Variants in WDR25 observed in about 807,000 individuals in gnomAD.
The protein encoded by WDR25 is WD repeat-containing protein 25.
Under a neutral mutation model 47.7 loss-of-function variants are expected in WDR25, and 35 were observed. The ratio of observed to expected loss-of-function variants is 0.73; its 90% confidence interval spans 0.56 to 0.97. The LOEUF (loss-of-function observed/expected upper bound fraction) is 0.97, where lower values mean the gene tolerates loss of function less well. Among genes scored for constraint, WDR25 ranks in the 50% least tolerant of loss-of-function variants. The pLI, the probability that WDR25 is intolerant of heterozygous loss-of-function variation, is 0.00. For missense variants in WDR25, 634 were observed against 704.7 expected, an observed-to-expected ratio of 0.90 and a Z score of 1.14; for synonymous variants, 248 against 278.9, an observed-to-expected ratio of 0.89 and a Z score of 1.10.
At chr14:100,482,228 C>T (rs1186529305) in intron 3 of WDR25, among the ~76,000 whole-genome samples, 2 of 152,110 alleles carry the variant, frequency 1.3e-5, no homozygotes, top group Admixed American at 6.6e-5. Flanking sequence ...AACCAGACTA[C>T]ATTCAAATAA....
chr14:100,380,215 T>G (rs1786701721), intron 1 of WDR25, among the ~76,000 whole-genome samples: 1 of 151,966 alleles, frequency 6.6e-6, no homozygotes, highest in African/African-American at 2.4e-5. Context: ...GCCTGGCTAA[T>G]TTTTGTATTT....
chr14:100,518,093 T>G (rs571560262), intron 4 of WDR25, among the ~76,000 whole-genome samples: 1 of 152,354 alleles, frequency 6.6e-6, no homozygotes, highest in Admixed American at 6.5e-5. Context: ...TCCCTGAAGC[T>G]CCAAGTTTTC....
At chr14:100,433,390 G>T (rs1898400336) in intron 2 of WDR25, among the ~76,000 whole-genome samples, 4 of 152,238 alleles carry the variant, frequency 2.6e-5, no homozygotes, top group Admixed American at 2.6e-4. Flanking sequence ...TTCCTACCAG[G>T]AGGCACATGT....
At chr14:100,447,034 T>C (rs952312011) in intron 2 of WDR25, among the ~76,000 whole-genome samples, 2 of 152,264 alleles carry the variant, frequency 1.3e-5, no homozygotes, top group Admixed American at 6.5e-5. Context: ...GATAATTTCA[T>C]GCTCATTGAA....
intron 2 of WDR25, chr14:100,454,695 T>C (rs1454281620): frequency 5.9e-6 from 2 of 339,434 alleles, no homozygotes; most frequent in Non-Finnish European, 1.2e-5. Flanking sequence ...GACAGGCTGC[T>C]AAAAATTTGT....
intron 4 of WDR25, among the ~76,000 whole-genome samples, chr14:100,485,460 C>G (rs1263101068): frequency 6.6e-6 from 1 of 152,200 alleles, no homozygotes; most frequent in Non-Finnish European, 1.5e-5. Context: ...TCATGATTGA[C>G]TGAGTAAATG....
At chr14:100,376,713 T>C in intron 1 of WDR25, 1 of 1,230,844 alleles carries the variant, frequency 8.1e-7, no homozygotes. Flanking sequence ...TGGTCGTATC[T>C]TGTTTGTTGC....
At chr14:100,388,917 C>T (rs540078020) in intron 2 of WDR25, among the ~76,000 whole-genome samples, 2 of 152,358 alleles carry the variant, frequency 1.3e-5, no homozygotes, top group African/African-American at 4.8e-5. Flanking sequence ...CATTCACTCT[C>T]ATCCCATGTC....
intron 2 of WDR25, among the ~76,000 whole-genome samples, chr14:100,408,454 AG>A (rs1238932713): frequency 6.6e-6 from 1 of 152,178 alleles, no homozygotes; most frequent in Non-Finnish European, 1.5e-5. Context: ...AGATGACAGA[AG>A]GCCATGTTCT....
chr14:100,394,346 C>A (rs1253294474), intron 2 of WDR25, among the ~76,000 whole-genome samples: 1 of 152,102 alleles, frequency 6.6e-6, no homozygotes, highest in Admixed American at 6.6e-5. Context: ...AGCTGATGGG[C>A]CTTGTGACGT....
intron 2 of WDR25, among the ~76,000 whole-genome samples, chr14:100,453,511 A>T (rs1401214570): frequency 6.6e-6 from 1 of 152,234 alleles, no homozygotes; most frequent in African/African-American, 2.4e-5. Flanking sequence ...ATGTAGTAAC[A>T]TGCTCAATAC....
At chr14:100,447,619 A>G (rs114163219) in intron 2 of WDR25, among the ~76,000 whole-genome samples, 2,021 of 152,274 alleles carry the variant, frequency 0.013, 34 homozygotes, top group African/African-American at 0.043. Flanking sequence ...GGCACCAGAC[A>G]TGGTGAGGTG....
At position 100,392,914 on chromosome 14, in the gene WDR25, T is replaced by C. The variant is rs1411351443; in HGVS notation, c.822+11168T>C. Among the ~76,000 whole-genome samples the C allele has an allele frequency of 6.6e-6, 1 of 152,226 alleles. No individual in the cohort carries two copies. Among genetic ancestry groups the C allele is most frequent in the Non-Finnish European group, 1.5e-5 (1 of 68,044 alleles). On this transcript the variant is annotated intron_variant, in intron 2 of 6. Transcript: ENST00000402312. The surrounding 1 kb of genome is among the most constrained non-coding windows in gnomAD (Gnocchi z 4.2). ...CTGCTGGGTCAAAGGGTTGTACATTTTCATGGGTCCAGATACGTCTCTTGT... is the reference window on the plus strand; with the variant it reads ...CTGCTGGGTCAAAGGGTTGTACATTCTCATGGGTCCAGATACGTCTCTTGT...
chr14:100,515,846 C>T (rs1901476696), intron 4 of WDR25, among the ~76,000 whole-genome samples: 2 of 147,590 alleles, frequency 1.4e-5, no homozygotes, highest in Non-Finnish European at 3.0e-5. Context: ...TCATGTTTGC[C>T]AGGCTGTTCT....
chr14:100,417,127 C>T (rs1176745717), intron 2 of WDR25, among the ~76,000 whole-genome samples: 2 of 152,218 alleles, frequency 1.3e-5, no homozygotes, highest in African/African-American at 4.8e-5. Flanking sequence ...TGAGCCGAGC[C>T]TGGGCCCTGC....
At chr14:100,522,104 T>C (rs1031078110) in intron 4 of WDR25, among the ~76,000 whole-genome samples, 1 of 152,236 alleles carries the variant, frequency 6.6e-6, no homozygotes, top group Non-Finnish European at 1.5e-5. Context: ...TCATCTATTT[T>C]TAGGGACCAT....
At chr14:100,378,294 C>T (rs1030238706) in intron 1 of WDR25, among the ~76,000 whole-genome samples, 49 of 151,942 alleles carry the variant, frequency 3.2e-4, no homozygotes, top group Admixed American at 8.5e-4. Context: ...CTCAGCCTCC[C>T]GAGTAGCTGG....
intron 4 of WDR25, among the ~76,000 whole-genome samples, chr14:100,494,441 C>G (rs1275327102): frequency 6.6e-6 from 1 of 152,224 alleles, no homozygotes; most frequent in Non-Finnish European, 1.5e-5. Context: ...AGTTCTGATA[C>G]TTGCTCTTCA....
chr14:100,477,034 AC>A (rs1900041662), intron 3 of WDR25, among the ~76,000 whole-genome samples: 1 of 152,198 alleles, frequency 6.6e-6, no homozygotes, highest in African/African-American at 2.4e-5. Context: ...GACGTTTGCA[AC>A]TTCTATGTTA....
Sources: allele counts gnomAD v4.1 joint callset (sites outside exome capture counted in the v4.1 genomes callset), GRCh38; gene constraint gnomAD v4.1.1; non-coding constraint Gnocchi (gnomAD v3.1); transcripts MANE v1.5; gene names NCBI Gene and HGNC (gene_info 2026-07-23, HGNC 2026-07-21).